MAML2: variants seen among roughly 807,000 people sequenced by gnomAD.
MAML2 encodes the protein mastermind-like protein 2.
Under a neutral mutation model 96.1 loss-of-function variants are expected in MAML2, and 22 were observed. The observed-to-expected ratio is 0.23, with a 90% CI of 0.16 to 0.33. The LOEUF is 0.33. Ranked by LOEUF, MAML2 falls within the 10% of genes least tolerant of loss-of-function variation. MAML2 has a pLI of 1.00. For missense variants in MAML2, 1,367 were observed against 1,392.4 expected (o/e 0.98, Z 0.29); for synonymous variants, 561 against 521.3 (o/e 1.08, Z -1.04).
chr11:96,167,905 A>G (rs1466741613), intron 1 of MAML2, among the ~76,000 whole-genome samples: 1 of 152,204 alleles, frequency 6.6e-6, no homozygotes, highest in Non-Finnish European at 1.5e-5. Flanking sequence ...CTGTTCATAC[A>G]TTATCATAGC....
chr11:95,989,916 T>C (rs1178465305), intron 3 of MAML2, among the ~76,000 whole-genome samples: 2 of 152,226 alleles, frequency 1.3e-5, no homozygotes, highest in African/African-American at 2.4e-5. Flanking sequence ...ATGTTTACTT[T>C]TTATCAGGCA....
intron 1 of MAML2, among the ~76,000 whole-genome samples, chr11:96,281,573 C>A (rs1278136017): frequency 6.6e-6 from 1 of 151,938 alleles, no homozygotes; most frequent in Non-Finnish European, 1.5e-5. Context: ...GAGTTAGCAG[C>A]CCTGGTTTTG....
intron 2 of MAML2, among the ~76,000 whole-genome samples, chr11:96,055,584 A>C (rs1360084120): frequency 2.6e-5 from 4 of 152,350 alleles, no homozygotes; most frequent in South Asian, 2.1e-4. Flanking sequence ...CCTTTGCTCC[A>C]GTGCTTTGTA....
At chr11:96,174,099 C>CA (rs1732583519) in intron 1 of MAML2, among the ~76,000 whole-genome samples, 1 of 152,176 alleles carries the variant, frequency 6.6e-6, no homozygotes, top group Non-Finnish European at 1.5e-5. Context: ...GTCCTCCCAT[C>CA]CCAGTCCTTC....
intron 1 of MAML2, among the ~76,000 whole-genome samples, chr11:96,309,758 T>C (rs1466854531): frequency 2.0e-5 from 3 of 149,930 alleles, no homozygotes; most frequent in Non-Finnish European, 4.4e-5. Context: ...AGTGCAGTGG[T>C]GCAGTCACGG....
chr11:96,114,107 C>G (rs1040600237), intron 1 of MAML2, among the ~76,000 whole-genome samples: 5 of 151,874 alleles, frequency 3.3e-5, no homozygotes, highest in African/African-American at 1.2e-4. Flanking sequence ...TTTTCAAAGA[C>G]AGAGTCTTGC....
chr11:96,252,045 T>C (rs925456039), intron 1 of MAML2, among the ~76,000 whole-genome samples: 5 of 152,130 alleles, frequency 3.3e-5, no homozygotes, highest in African/African-American at 1.2e-4. Context: ...ACAAACCCTT[T>C]CAACACCAGA....
At chr11:96,182,866 G>GA (rs1555020811) in intron 1 of MAML2, among the ~76,000 whole-genome samples, 2 of 150,478 alleles carry the variant, frequency 1.3e-5, no homozygotes, top group Admixed American at 1.3e-4. Flanking sequence ...GAGGAACAGA[G>GA]TTTTTTTTTG....
chr11:96,072,307 A>G (rs1482548059), intron 2 of MAML2, among the ~76,000 whole-genome samples: 2 of 152,312 alleles, frequency 1.3e-5, no homozygotes, highest in African/African-American at 4.8e-5. Flanking sequence ...CATGTTTCTT[A>G]TACAATATTA....
chr11:96,276,816 C>CAAAAAAAAAAAAAAAA (rs67291067), intron 1 of MAML2, among the ~76,000 whole-genome samples: 1 of 78,664 alleles, frequency 1.3e-5, no homozygotes, highest in Non-Finnish European at 2.5e-5. Context: ...TTCTCAGACC[C>CAAAAAAAAAAAAAAAA]AAAAAAAAAA....
chr11:96,144,585 GAAGA>G (rs1486025546), intron 1 of MAML2, among the ~76,000 whole-genome samples: 3 of 152,158 alleles, frequency 2.0e-5, no homozygotes, highest in Non-Finnish European at 4.4e-5. Flanking sequence ...TAGAAGATTA[GAAGA>G]GAGAGACCAC....
intron 1 of MAML2, among the ~76,000 whole-genome samples, chr11:96,116,033 C>G (rs1454405214): frequency 1.3e-5 from 2 of 152,080 alleles, no homozygotes; most frequent in African/African-American, 4.8e-5. Flanking sequence ...TTTTTCCCCA[C>G]CCTGACAAGT....
intron 1 of MAML2, among the ~76,000 whole-genome samples, chr11:96,308,415 A>G (rs1211632840): frequency 1.3e-5 from 2 of 152,164 alleles, no homozygotes; most frequent in African/African-American, 4.8e-5. Flanking sequence ...CTCAAAATCC[A>G]TTTTAGTGAC....
intron 1 of MAML2, among the ~76,000 whole-genome samples, chr11:96,314,874 C>A (rs1049768202): frequency 2.0e-5 from 3 of 152,182 alleles, no homozygotes; most frequent in Non-Finnish European, 2.9e-5. Flanking sequence ...AGACTCTAGG[C>A]CAGAGGACAG....
At chr11:96,019,378 T>A (rs1858402217) in intron 2 of MAML2, among the ~76,000 whole-genome samples, 1 of 152,106 alleles carries the variant, frequency 6.6e-6, no homozygotes, top group Non-Finnish European at 1.5e-5. Context: ...TTGAATATAA[T>A]CTCTGTAGGG....
chr11:96,207,727 T>C (rs1343666992), intron 1 of MAML2, among the ~76,000 whole-genome samples: 1 of 152,208 alleles, frequency 6.6e-6, no homozygotes, highest in African/African-American at 2.4e-5. Context: ...CAGTGATGAT[T>C]ACAAAATACA....
chr11:96,307,044 T>A (rs1863473362), intron 1 of MAML2, among the ~76,000 whole-genome samples: 1 of 152,342 alleles, frequency 6.6e-6, no homozygotes, highest in East Asian at 1.9e-4. Flanking sequence ...TACTGTTCTG[T>A]ACAGCTCACT....
intron 1 of MAML2, among the ~76,000 whole-genome samples, chr11:96,152,343 G>C (rs184761079): frequency 6.6e-6 from 1 of 152,156 alleles, no homozygotes; most frequent in Non-Finnish European, 1.5e-5. Context: ...ATGACAAATC[G>C]AGAAACAACT....
chr11:96,193,328 C>T (rs1456626545), intron 1 of MAML2, among the ~76,000 whole-genome samples: 2 of 152,144 alleles, frequency 1.3e-5, no homozygotes, highest in Admixed American at 6.5e-5. Context: ...GAGGTCATGC[C>T]ATTGCACTCC....
Sources: allele counts gnomAD v4.1 joint callset (sites outside exome capture counted in the v4.1 genomes callset), GRCh38; gene constraint gnomAD v4.1.1; transcripts MANE v1.5; gene names NCBI Gene and HGNC (gene_info 2026-07-23, HGNC 2026-07-21).